The following C1D variants were observed in gnomAD, a reference collection of about 807,000 sequenced individuals.
C1D encodes the protein C1D nuclear receptor corepressor.
Under a neutral mutation model 17.5 loss-of-function variants are expected in C1D, and 10 were observed. The observed-to-expected ratio is 0.57, with a 90% CI of 0.35 to 0.97. The LOEUF (loss-of-function observed/expected upper bound fraction) is 0.97. C1D is among the 50% of genes least tolerant of loss of function. C1D has a pLI of 0.01. For missense variants in C1D, 136 were observed against 160.1 expected (o/e 0.85, Z 0.81); for synonymous variants, 49 against 54.0 (o/e 0.91, Z 0.40).
intron 3 of C1D, 29 bp downstream of exon 3, chr2:68,046,311 GCTTT>G (rs766750196): frequency 1.4e-6 from 2 of 1,447,550 alleles, no homozygotes; most frequent in South Asian, 2.3e-5. Flanking sequence ...TAAGTAATTT[GCTTT>G]CTAATTAATT....
chr2:68,048,305 C>T (rs1002712713), intron 1 of C1D, among the ~76,000 whole-genome samples: 10 of 152,128 alleles, frequency 6.6e-5, no homozygotes, highest in African/African-American at 2.4e-4. Context: ...AACAGAAATA[C>T]CTCCTTTATC....
chr2:68,056,641 C>T (rs947027299), intron 1 of C1D, among the ~76,000 whole-genome samples: 138 of 152,084 alleles, frequency 9.1e-4, no homozygotes, highest in African/African-American at 3.3e-3. Flanking sequence ...CACAAATAAT[C>T]CAGATGACCA....
intron 1 of C1D, among the ~76,000 whole-genome samples, chr2:68,057,489 T>C (rs915056512): frequency 6.6e-6 from 1 of 152,116 alleles, no homozygotes; most frequent in African/African-American, 2.4e-5. Context: ...AAAAGATATA[T>C]GAATGTGGAG....
rs1188486479 is a variant in C1D at position 68,045,972 on chromosome 2, GA to G, written c.261+15del. On this transcript the variant is annotated intron_variant, in intron 4 of 4. Coordinates refer to ENST00000410067, the MANE Select transcript of C1D (RefSeq NM_173177.3). Reference sequence around the variant, plus strand: ...CAACAACAAACACATAAAATAAAAAGAAATTAAAATCTTACCAATTCCTGTT... The same window carrying G: ...CAACAACAAACACATAAAATAAAAAGAATTAAAATCTTACCAATTCCTGTT... The G allele has an allele frequency of 6.5e-7, 1 of 1,543,506 alleles. No homozygotes were observed. The highest frequency in any genetic ancestry group is 1.4e-5 in the African/African-American group (1 of 72,272).
intron 1 of C1D, among the ~76,000 whole-genome samples, chr2:68,059,767 C>T (rs1304573731): frequency 2.6e-5 from 4 of 152,208 alleles, no homozygotes; most frequent in Admixed American, 1.3e-4. Flanking sequence ...GTGGTTATTC[C>T]TCATTTTCCC....
chr2:68,046,525 A>ACC (rs1671126757), intron 2 of C1D, 115 bp from the exon 3 acceptor site: 1 of 668,188 alleles, frequency 1.5e-6, no homozygotes, highest in Non-Finnish European at 2.6e-6. Context: ...GTATCAAAGA[A>ACC]GTTTTTTTCA....
At chr2:68,062,433 A>G (rs1210830288) in intron 1 of C1D, among the ~76,000 whole-genome samples, 1 of 152,242 alleles carries the variant, frequency 6.6e-6, no homozygotes, top group Non-Finnish European at 1.5e-5. Context: ...TGGATTACCC[A>G]CTACAGATTT....
At chr2:68,046,448 G>A (rs1371824742) in intron 2 of C1D, 38 bp from the exon 3 acceptor site, 1 of 1,417,986 alleles carries the variant, frequency 7.1e-7, no homozygotes, top group South Asian at 1.2e-5. Flanking sequence ...GAGAGAAAGT[G>A]AGACAGAAAA....
At position 68,054,299 on chromosome 2, in the gene C1D, C is replaced by G. The variant is rs548144021; in HGVS notation, c.-9-6980G>C. On this transcript the variant is annotated intron_variant, in intron 1 of 4. Transcript: ENST00000410067. ...GAACAGAAGCATCAGAGGAGTTACC[C>G]TTTGCACCAGTCAGGTTTCAACTAG... Among the ~76,000 whole-genome samples the G allele has an allele frequency of 1.3e-4, 20 of 152,298 alleles. No homozygotes were observed. In the East Asian group the frequency reaches 3.9e-3, roughly 29 times the overall value.
intron 1 of C1D, among the ~76,000 whole-genome samples, chr2:68,062,373 A>C (rs1011774085): frequency 2.0e-5 from 3 of 152,214 alleles, no homozygotes; most frequent in Admixed American, 6.5e-5. Flanking sequence ...TTTTGAAACA[A>C]GTTTGAGTTA....
chr2:68,054,134 T>TA (rs1251386383), intron 1 of C1D, among the ~76,000 whole-genome samples: 1 of 152,230 alleles, frequency 6.6e-6, no homozygotes, highest in Non-Finnish European at 1.5e-5. Flanking sequence ...AGTTCCACCT[T>TA]ACGCCTGTTG....
rs920908543 is a variant in C1D, at chr2:68,041,639, G to A, written c.*1250C>T. ...ATGTGTCATAGAAAGAGTTCAACAT[G>A]CTTTACAAAATCCATTACATTTTAA... On this transcript the variant is annotated 3_prime_UTR_variant, in exon 5 of 5. Coordinates refer to ENST00000410067, the MANE Select transcript of C1D (RefSeq NM_173177.3). 1.3e-5 allele frequency: 2 copies of A among 151,974 alleles called. No individual in the cohort carries two copies. The highest frequency in any genetic ancestry group is 6.5e-5 in the Admixed American group (1 of 15,268). The allele number at this position is 151,974 out of a possible 1,614,324, so 9.4% of individuals were successfully genotyped here. A position where few individuals can be genotyped will look rare whatever the true frequency, so the allele number is the denominator to read the frequency against.
intron 1 of C1D, among the ~76,000 whole-genome samples, chr2:68,057,278 A>C (rs1384721273): frequency 4.0e-5 from 6 of 150,054 alleles, no homozygotes; most frequent in African/African-American, 1.5e-4. Context: ...CAGCCTCCCA[A>C]GTAGCTGGGA....
In C1D at chr2:68,045,960, ATAAAATAAAAAGAAAT is replaced by A; in HGVS notation, c.261+12_261+27del. Reference sequence around the variant, plus strand: ...ACCTCAGGAATACAACAACAAACACATAAAATAAAAAGAAATTAAAATCTTACCAATTCCTGTTTTA... The same window carrying A: ...ACCTCAGGAATACAACAACAAACACATAAAATCTTACCAATTCCTGTTTTA... On this transcript the variant is annotated intron_variant, in intron 4 of 4. Transcript: ENST00000410067. 1 of 1,480,556 alleles carries A rather than the reference ATAAAATAAAAAGAAAT, an allele frequency of 6.8e-7. No individual in the cohort carries two copies. The highest frequency in any genetic ancestry group is 9.3e-7 in the Non-Finnish European group (1 of 1,075,612). The allele number at this position is 1,480,556 out of a possible 1,614,324, so 91.7% of individuals were successfully genotyped here. A position where few individuals can be genotyped will look rare whatever the true frequency, so the allele number is the denominator to read the frequency against.
At chr2:68,053,336 G>T (rs1471859246) in intron 1 of C1D, 11 of 948,306 alleles carry the variant, frequency 1.2e-5, no homozygotes, top group Non-Finnish European at 1.7e-5. Flanking sequence ...AGAGTGCATA[G>T]CATCACATAC....
intron 1 of C1D, among the ~76,000 whole-genome samples, chr2:68,052,258 T>C (rs1461561466): frequency 6.6e-6 from 1 of 152,024 alleles, no homozygotes; most frequent in Non-Finnish European, 1.5e-5. Flanking sequence ...GGAAAGAACA[T>C]ACAAAAAATA....
chr2:68,051,230 T>G (rs927911068), intron 1 of C1D, among the ~76,000 whole-genome samples: 2 of 152,310 alleles, frequency 1.3e-5, no homozygotes, highest in Middle Eastern at 3.4e-3. Context: ...CAAAAATCCT[T>G]ACAGTGGGCC....
intron 1 of C1D, among the ~76,000 whole-genome samples, chr2:68,057,652 A>G (rs1040253777): frequency 1.3e-5 from 2 of 152,204 alleles, no homozygotes; most frequent in African/African-American, 4.8e-5. Flanking sequence ...TAAAATATGT[A>G]ACATATTATA....
At chr2:68,045,527 C>G (rs949147812) in intron 4 of C1D, among the ~76,000 whole-genome samples, 31 of 152,086 alleles carry the variant, frequency 2.0e-4, no homozygotes, top group African/African-American at 7.2e-4. Context: ...AGTACACATA[C>G]AGCTGGTGCC....
Sources: gnomAD v4.1 joint callset for allele counts (sites outside exome capture counted in the v4.1 genomes callset) on GRCh38, gnomAD v4.1.1 for gene constraint, MANE v1.5 for transcripts, NCBI Gene and HGNC (gene_info 2026-07-23, HGNC 2026-07-21) for gene names.